Variants in SENP6 observed in about 807,000 individuals in gnomAD.
The protein encoded by SENP6 is sentrin-specific protease 6.
SENP6 carries 41 observed loss-of-function variants against 134.5 expected under a neutral mutation model. The ratio of observed to expected loss-of-function variants is 0.30; its 90% CI spans 0.24 to 0.40. The LOEUF (loss-of-function observed/expected upper bound fraction) is 0.40, where lower values mean the gene tolerates loss of function less well. Among genes scored for constraint, SENP6 ranks in the 10% least tolerant of loss-of-function variants. The probability of loss-of-function intolerance (pLI) is 1.00; values close to 1 mark genes in which losing one functional copy is unlikely to be tolerated. For synonymous variants in SENP6, 395 were observed against 429.8 expected (o/e 0.92, Z 1.00); for missense variants, 1,248 against 1,312.5 (o/e 0.95, Z 0.76).
At chr6:75,627,334 A>G (rs1768774666) in intron 3 of SENP6, among the ~76,000 whole-genome samples, 1 of 152,214 alleles carries the variant, frequency 6.6e-6, no homozygotes, top group Non-Finnish European at 1.5e-5. Flanking sequence ...ATTCATGCTG[A>G]AAAACTCTAA....
chr6:75,683,229 T>C (rs1375200171), intron 16 of SENP6, among the ~76,000 whole-genome samples: 7 of 152,190 alleles, frequency 4.6e-5, no homozygotes, highest in Non-Finnish European at 1.0e-4. Context: ...TCTGTTCATA[T>C]CCTTTGCCCA....
chr6:75,668,397 CAA>C (rs1219690281), intron 10 of SENP6, among the ~76,000 whole-genome samples: 1 of 151,612 alleles, frequency 6.6e-6, no homozygotes, highest in Non-Finnish European at 1.5e-5. Context: ...AGCTATGTGA[CAA>C]AGTGTAAAGT....
intron 2 of SENP6, among the ~76,000 whole-genome samples, 169 bp from the exon 3 acceptor site, chr6:75,623,731 T>C (rs1012414114): frequency 1.3e-5 from 2 of 152,162 alleles, no homozygotes; most frequent in African/African-American, 2.4e-5. Flanking sequence ...ATACAACATA[T>C]GAGTAGCTGC....
rs902035063 is a variant in SENP6, at chr6:75,634,929, A to T, written c.458+118A>T. 34 of 702,138 alleles carry T rather than the reference A, an allele frequency of 4.8e-5. 1 individual carries two copies. The highest frequency in any genetic ancestry group is 4.7e-4 in the Middle Eastern group (2 of 4,284). The allele number at this position is 702,138 out of a possible 1,614,324, so 43.5% of individuals were successfully genotyped here. The stretch of plus-strand genomic sequence containing the variant: ...CTTACTGTTTTCACTGTCTGTAGAG[A>T]GATATATCTCTGAAATAATTCATGA... On this transcript the variant is annotated intron_variant, in intron 5 of 23. Transcript: ENST00000447266.
rs781113746 is a variant in SENP6 at position 75,677,036 on chromosome 6, A to T, written c.1628A>T (p.Glu543Val). The change falls in exon 14 of 24, where the codon GAA (glutamate) becomes GTA (valine). Residue 543 changes from glutamate (E) to valine (V), a missense_variant. Physicochemically the swap from Glu to Val is moderately radical, Grantham distance 121 (BLOSUM62 -2). Around this residue, in one of 3 missense-constraint regions of SENP6, gnomAD observed 733 missense variants for 725.4 expected, o/e 1.01. Coordinates refer to ENST00000447266, the MANE Select transcript of SENP6 (RefSeq NM_015571.4). ...CKGVNKLTNL[E>V]EQYIILIFQN... is the part of the protein sequence containing the mutation. ...TATATTTATTTCTTTTCAGATTTAG[A>T]AGAACAATATATAATTTTAATTTTT... 6.9e-7 allele frequency: 1 copy of T among 1,439,054 alleles called. No individual in the cohort carries two copies. Among genetic ancestry groups the T allele is most frequent in the South Asian group, 1.2e-5 (1 of 81,042 alleles). The allele number at this position is 1,439,054 out of a possible 1,614,324, so 89.1% of individuals were successfully genotyped here.
intron 7 of SENP6, among the ~76,000 whole-genome samples, chr6:75,648,335 T>C (rs1582760838): frequency 1.3e-5 from 2 of 152,256 alleles, no homozygotes; most frequent in East Asian, 3.9e-4. Context: ...TTATAAAAAA[T>C]ATATCATCAT....
intron 11 of SENP6, among the ~76,000 whole-genome samples, chr6:75,673,913 A>G (rs1772879271): frequency 6.6e-6 from 1 of 151,498 alleles, no homozygotes. Flanking sequence ...CCCAGCTACT[A>G]GGGAGGCTGA....
chr6:75,662,875 T>C (rs1422911635), intron 8 of SENP6, among the ~76,000 whole-genome samples: 1 of 152,214 alleles, frequency 6.6e-6, no homozygotes, highest in Non-Finnish European at 1.5e-5. Context: ...CAGTCAGTAC[T>C]CAGCTTGATC....
In SENP6 at chr6:75,661,666, T is replaced by C. The variant is rs147381882; in HGVS notation, c.697-1555T>C. Among the ~76,000 whole-genome samples the C allele has an allele frequency of 5.3e-5, 8 of 152,362 alleles. No individual in the cohort carries two copies. In the East Asian group the frequency reaches 1.5e-3, roughly 29 times the overall value. ...GATAAAGAATTGTAGCCAGCCTCTA[T>C]GTAAACTTTAATTCCTAGACAAGGT... On this transcript the variant is annotated intron_variant, in intron 8 of 23. Coordinates refer to ENST00000447266, the MANE Select transcript of SENP6 (RefSeq NM_015571.4).
chr6:75,663,830 G>GGT (rs1771974451), intron 9 of SENP6, among the ~76,000 whole-genome samples: 1 of 147,306 alleles, frequency 6.8e-6, no homozygotes, highest in African/African-American at 2.5e-5. Context: ...GTGGGGGGGG[G>GGT]GGTGCCTAAA....
rs34716703 is a variant in SENP6, at chr6:75,666,152, CATAT to C, written c.995-557_995-554del. Among the ~76,000 whole-genome samples the C allele has an allele frequency of 4.1e-3, 570 of 140,040 alleles. 3 individuals are homozygous for C. The highest frequency in any genetic ancestry group is 7.6e-3 in the Middle Eastern group (2 of 262). 91.9% of individuals were successfully genotyped at this position (140,040 alleles called of 152,430 possible). A position where few individuals can be genotyped will look rare whatever the true frequency, so the allele number is the denominator to read the frequency against. On this transcript the variant is annotated intron_variant, in intron 9 of 23. Coordinates refer to ENST00000447266, the MANE Select transcript of SENP6 (RefSeq NM_015571.4). ...AAACGTATATATGATATATATAAAACATATATGATATATATATAAAACGTATATA... is the reference window on the plus strand; with the variant it reads ...AAACGTATATATGATATATATAAAACATGATATATATATAAAACGTATATA...
chr6:75,664,380 A>C (rs1419692165), intron 9 of SENP6, among the ~76,000 whole-genome samples: 1 of 149,012 alleles, frequency 6.7e-6, no homozygotes, highest in Non-Finnish European at 1.5e-5. Flanking sequence ...ATCTATATAC[A>C]TGTACACACA....
chr6:75,702,534 A>T, intron 18 of SENP6, 111 bp from the exon 19 acceptor site: 2 of 1,071,486 alleles, frequency 1.9e-6, no homozygotes, highest in Non-Finnish European at 2.6e-6. Flanking sequence ...AGGCATTTTT[A>T]ATAAATTAAT....
chr6:75,626,556 T>C (rs571021484), intron 3 of SENP6, among the ~76,000 whole-genome samples: 69 of 152,300 alleles, frequency 4.5e-4, no homozygotes, highest in African/African-American at 1.6e-3. Flanking sequence ...TAGAGATTTT[T>C]TTCCCCCAGT....
chr6:75,624,989 G>A lies in SENP6; in HGVS notation c.207+1029G>A, dbSNP rs538737636. Among the ~76,000 whole-genome samples, 4 of 151,950 alleles carry A rather than the reference G, an allele frequency of 2.6e-5. No homozygotes were observed. The South Asian group carries it at 8.3e-4, about 32-fold the overall frequency. On this transcript the variant is annotated intron_variant, in intron 3 of 23. Coordinates refer to ENST00000447266, the MANE Select transcript of SENP6 (RefSeq NM_015571.4). ...TCTAAAAAATAAAAAATTTTGCACT[G>A]TAGTACATACAATAATGGTGTATTG...
intron 3 of SENP6, among the ~76,000 whole-genome samples, chr6:75,625,456 C>T (rs1768609882): frequency 6.6e-6 from 1 of 152,026 alleles, no homozygotes; most frequent in Non-Finnish European, 1.5e-5. Context: ...AGTCTTTTGT[C>T]TTTGCTTATG....
At chr6:75,701,473 T>A (rs1304712919) in intron 18 of SENP6, among the ~76,000 whole-genome samples, 1 of 152,178 alleles carries the variant, frequency 6.6e-6, no homozygotes, top group Non-Finnish European at 1.5e-5. Flanking sequence ...AATTTCAATA[T>A]AGCATGAGAT....
chr6:75,684,513 A>G (rs1476788366), intron 16 of SENP6, among the ~76,000 whole-genome samples: 3 of 152,216 alleles, frequency 2.0e-5, no homozygotes, highest in Non-Finnish European at 4.4e-5. Flanking sequence ...TTGCCCATTC[A>G]GGATGATATT....
rs767723788 is a variant in SENP6 at position 75,702,998 on chromosome 6, C to T, written c.2642C>T (p.Ser881Phe). 6.2e-7 allele frequency: 1 copy of T among 1,613,758 alleles called. No individual in the cohort carries two copies. The highest frequency in any genetic ancestry group is 8.5e-7 in the Non-Finnish European group (1 of 1,179,836). The part of the protein sequence containing the change: ...NEEFNKGEST[S>F]QKVADRTKSE... ...GAATTCAATAAAGGAGAATCTACAT[C>T]CCAGAAAGTTGCTGATAGGACTAAA... Residue 881 changes from serine (S) to phenylalanine (F), a missense_variant, in exon 19 of 24, where the codon TCC (serine) becomes TTC (phenylalanine). Ser to Phe is a radical substitution (Grantham distance 155). Coordinates refer to ENST00000447266, the MANE Select transcript of SENP6 (RefSeq NM_015571.4).
Sources: gnomAD v4.1 joint callset for allele counts (sites outside exome capture counted in the v4.1 genomes callset) on GRCh38, gnomAD v4.1.1 for gene constraint, gnomAD v4.1.1 regional missense constraint, MANE v1.5 for transcripts, NCBI Gene and HGNC (gene_info 2026-07-23, HGNC 2026-07-21) for gene names.